Variants in ACOT11 observed in about 807,000 individuals in gnomAD.
ACOT11 encodes acyl-coenzyme A thioesterase 11.
In ACOT11, 69 loss-of-function variants were observed where a neutral mutation model predicts 77.5. The observed-to-expected ratio is 0.89, with a 90% CI of 0.73 to 1.09. The LOEUF is 1.09. Ranked by LOEUF, ACOT11 falls within the 50% of genes least tolerant of loss-of-function variation. The pLI is 0.00. For missense variants in ACOT11, 766 were observed against 813.7 expected (o/e 0.94, Z 0.71); for synonymous variants, 279 against 313.0 (o/e 0.89, Z 1.15).
intron 1 of ACOT11, chr1:54,572,944 A>G: frequency 1.0e-6 from 1 of 985,426 alleles, no homozygotes; most frequent in Non-Finnish European, 1.2e-6. Flanking sequence ...TATAAAGTAC[A>G]GTTTTCAGCT....
At chr1:54,603,066 T>G (rs1643983380) in intron 10 of ACOT11, among the ~76,000 whole-genome samples, 1 of 152,196 alleles carries the variant, frequency 6.6e-6, no homozygotes, top group Non-Finnish European at 1.5e-5. Context: ...AGAGAGGAGA[T>G]GCAGTTGTTC....
At chr1:54,621,832 G>C (rs981573414) in intron 15 of ACOT11, 1 of 152,488 alleles carries the variant, frequency 6.6e-6, no homozygotes, top group Admixed American at 6.5e-5. Context: ...AGAGGCTGCA[G>C]GGGTGAGCAG....
In ACOT11 at chr1:54,597,404, C is replaced by T. The variant is rs1643900315; in HGVS notation, c.753C>T (p.Thr251=). 6.2e-7 allele frequency: 1 copy of T among 1,612,248 alleles called. No homozygotes were observed. Among genetic ancestry groups the T allele is most frequent in the Non-Finnish European group, 8.5e-7 (1 of 1,179,284 alleles). ...QIMAWMENVA[T]IAASRLCRAH... is the part of the protein sequence containing the mutation. ...TGGCCTGGATGGAGAATGTGGCCAC[C>T]ATTGCAGCCAGGTGAGGGCAGGGTG... The change falls in exon 7 of 16, where the codon ACC becomes ACT. Residue 251 remains threonine (T), a synonymous_variant. Coordinates refer to ENST00000343744, the MANE Select transcript of ACOT11 (RefSeq NM_147161.4).
Position 54,605,060 on chromosome 1 carries a change from C to T in ACOT11, c.1237-16C>T, listed in dbSNP as rs770098472. ...TCCACCACCCAGCAAATGAGGCTGC[C>T]CTCTATCCCATGCAGGTCCGCCTGT... On this transcript the variant is annotated splice_polypyrimidine_tract_variant and intron_variant, in intron 12 of 15. Transcript: ENST00000343744. The T allele has an allele frequency of 3.1e-6, 5 of 1,609,366 alleles. No homozygotes were observed. Among genetic ancestry groups the T allele is most frequent in the Admixed American group, 1.7e-5 (1 of 59,756 alleles).
chr1:54,563,750 C>T (rs1342671677), intron 1 of ACOT11, among the ~76,000 whole-genome samples: 2 of 151,500 alleles, frequency 1.3e-5, no homozygotes, highest in Admixed American at 1.3e-4. Flanking sequence ...CAGACCTCAT[C>T]TTACTAAAAA....
intron 1 of ACOT11, among the ~76,000 whole-genome samples, chr1:54,573,562 A>G (rs1310650340): frequency 1.3e-5 from 2 of 152,056 alleles, no homozygotes; most frequent in African/African-American, 4.8e-5. Flanking sequence ...GTGAAACCCC[A>G]TCTCTACTAA....
intron 13 of ACOT11, among the ~76,000 whole-genome samples, chr1:54,605,651 G>A (rs768161142): frequency 2.6e-4 from 40 of 152,154 alleles, no homozygotes; most frequent in South Asian, 2.1e-4. Context: ...TCGGGACATA[G>A]CATGGCCAGT....
rs1053075261 is a variant in ACOT11, at chr1:54,575,604, C to G, written c.34-9051C>G. 9.8e-5 allele frequency among the ~76,000 whole-genome samples: 15 copies of G among 152,308 alleles called. No individual in the cohort carries two copies. In the East Asian group the frequency reaches 2.7e-3, roughly 27 times the overall value. On this transcript the variant is annotated intron_variant, in intron 1 of 15. Coordinates refer to ENST00000343744, the MANE Select transcript of ACOT11 (RefSeq NM_147161.4). ...TCTCATGCATTTGGTCCACAGCGAG[C>G]CAGGCTCTGTCCCCTCTGGGCCCTG... is the stretch of plus-strand genomic sequence containing the variant.
chr1:54,633,164 C>G (rs4927146), intron 16 of ACOT11, among the ~76,000 whole-genome samples: 44,963 of 152,142 alleles, frequency 0.3, 7,110 homozygotes, highest in Middle Eastern at 0.41. Context: ...ATTGTTAAGC[C>G]TCCAGAACCT....
chr1:54,551,586 G>A (rs1399143946), intron 1 of ACOT11, among the ~76,000 whole-genome samples: 3 of 152,160 alleles, frequency 2.0e-5, no homozygotes, highest in Admixed American at 2.0e-4. Flanking sequence ...TAGGAGGTGG[G>A]CAAGGGTCCT....
chr1:54,609,278 C>A lies in ACOT11; in HGVS notation c.*166C>A. On this transcript the variant is annotated 3_prime_UTR_variant, in exon 16 of 16. Coordinates refer to ENST00000343744, the MANE Select transcript of ACOT11 (RefSeq NM_147161.4). Reference sequence around the variant, plus strand: ...ACCACCCCTGGGTGCTCAGTTTCTACCAACATGAGCCAGCAAGTCCTTGTG... The same window carrying A: ...ACCACCCCTGGGTGCTCAGTTTCTAACAACATGAGCCAGCAAGTCCTTGTG... 6.2e-7 allele frequency: 1 copy of A among 1,604,492 alleles called. No individual in the cohort carries two copies. The highest frequency in any genetic ancestry group is 1.1e-5 in the South Asian group (1 of 90,242).
At chr1:54,582,742 G>A (rs1237289031) in intron 1 of ACOT11, among the ~76,000 whole-genome samples, 6 of 152,156 alleles carry the variant, frequency 3.9e-5, no homozygotes, top group Non-Finnish European at 8.8e-5. Context: ...TGCCCAGGCT[G>A]GTAAAGCGGG....
At chr1:54,590,999 C>T (rs1043684692) in intron 3 of ACOT11, among the ~76,000 whole-genome samples, 1 of 152,122 alleles carries the variant, frequency 6.6e-6, no homozygotes, top group Non-Finnish European at 1.5e-5. Context: ...CTCAGGTGAT[C>T]TGCCTGCCTT....
intron 9 of ACOT11, 129 bp downstream of exon 9, chr1:54,601,542 G>A (rs2101000197): frequency 1.5e-6 from 2 of 1,369,938 alleles, no homozygotes; most frequent in Non-Finnish European, 1.9e-6. Context: ...CCGTGCTGGG[G>A]CACAGCCAGC....
At chr1:54,551,844 G>T (rs1198532938) in intron 1 of ACOT11, among the ~76,000 whole-genome samples, 1 of 152,070 alleles carries the variant, frequency 6.6e-6, no homozygotes, top group Non-Finnish European at 1.5e-5. Context: ...CTGCCTCCTG[G>T]ATTCAAGGAA....
chr1:54,602,727 G>T lies in ACOT11; in HGVS notation c.1085+3G>T. ...AGAAAGAAGATCCGCCTGGACAGGT[G>T]AGTAGGGGCTGAGTGGTGGGCAGAA... is the stretch of plus-strand genomic sequence containing the variant. On this transcript the variant is annotated splice_donor_region_variant and intron_variant, in intron 10 of 15. Transcript: ENST00000343744. The T allele has an allele frequency of 6.5e-7, 1 of 1,545,632 alleles. No homozygotes were observed. The highest frequency in any genetic ancestry group is 8.7e-7 in the Non-Finnish European group (1 of 1,146,526).
intron 1 of ACOT11, among the ~76,000 whole-genome samples, chr1:54,557,777 A>C (rs141534652): frequency 6.6e-6 from 1 of 152,210 alleles, no homozygotes; most frequent in East Asian, 1.9e-4. Context: ...TTTTTAGTGG[A>C]GGCTTTAGGG....
chr1:54,612,511 T>G (rs201988831), downstream of ACOT11: 59 of 1,613,930 alleles, frequency 3.7e-5, no homozygotes, highest in East Asian at 1.3e-3. Flanking sequence ...AGCAGCCAGC[T>G]GAAGTGGGGC....
At chr1:54,554,952 T>TTTTG (rs149828291) in intron 1 of ACOT11, among the ~76,000 whole-genome samples, 42 of 152,040 alleles carry the variant, frequency 2.8e-4, no homozygotes, top group African/African-American at 7.5e-4. Context: ...TGTCTTCTGG[T>TTTTG]TTTGTTTGTT....
Sources: allele counts gnomAD v4.1 joint callset (sites outside exome capture counted in the v4.1 genomes callset), GRCh38; gene constraint gnomAD v4.1.1; transcripts MANE v1.5; gene names NCBI Gene and HGNC (gene_info 2026-07-23, HGNC 2026-07-21).